The following MRPL15 variants were observed in gnomAD, a reference collection of about 807,000 sequenced individuals.
MRPL15 encodes the protein large ribosomal subunit protein uL15m.
In MRPL15, 24 loss-of-function variants were observed where a neutral mutation model predicts 28.0. That is an observed-to-expected ratio of 0.86 (90% confidence interval 0.62 to 1.21). MRPL15 has a LOEUF of 1.21. Among genes scored for constraint, MRPL15 ranks in the 50% most tolerant of loss-of-function variants. The pLI is 0.00. For synonymous variants in MRPL15, 124 were observed against 137.0 expected (o/e 0.90, Z 0.66); for missense variants, 343 against 372.4 (o/e 0.92, Z 0.65).
Position 54,137,408 on chromosome 8 carries a change from A to G in MRPL15, c.404A>G (p.Asp135Gly), listed in dbSNP as rs1810843897. 8 of 1,613,824 alleles carry G rather than the reference A, an allele frequency of 5.0e-6. 1 individual carries two copies. The Admixed American group carries it at 1.2e-4, about 24-fold the overall frequency. Residue 135 changes from aspartate (D) to glycine (G), a missense_variant, in exon 3 of 5, where the codon GAT becomes GGT. By Grantham distance (94) the Asp-to-Gly change is moderately conservative. Coordinates refer to ENST00000260102, the MANE Select transcript of MRPL15 (RefSeq NM_014175.4). ...RGVTIQPLKR[D>G]YGVQLVEEGA... ...GTGACCATCCAGCCACTTAAAAGGG[A>G]TTATGGTGTCCAGCTGGTTGAGGAG...
chr8:54,139,158 C>A (rs373443459), intron 3 of MRPL15, among the ~76,000 whole-genome samples: 2 of 152,282 alleles, frequency 1.3e-5, no homozygotes, highest in African/African-American at 2.4e-5. Context: ...TGCCACCATG[C>A]CAGGCTAATT....
chr8:54,147,854 A>C lies in MRPL15; in HGVS notation c.*135A>C. The C allele has an allele frequency of 9.5e-6, 7 of 738,598 alleles. No individual in the cohort carries two copies. The highest frequency in any genetic ancestry group is 1.5e-5 in the Non-Finnish European group (7 of 473,528). The allele number at this position is 738,598 out of a possible 1,614,324, so 45.8% of individuals were successfully genotyped here. ...ACTTTTCAGTGTACTCATATGTCTCATTTTCATCTAAAATTAAATGGCAGG... is the reference window on the plus strand; with the variant it reads ...ACTTTTCAGTGTACTCATATGTCTCCTTTTCATCTAAAATTAAATGGCAGG... On this transcript the variant is annotated 3_prime_UTR_variant, in exon 5 of 5. Coordinates refer to ENST00000260102, the MANE Select transcript of MRPL15 (RefSeq NM_014175.4).
At chr8:54,139,428 T>C (rs752642650) in intron 3 of MRPL15, among the ~76,000 whole-genome samples, 13 of 152,330 alleles carry the variant, frequency 8.5e-5, no homozygotes, top group Middle Eastern at 3.4e-3. Context: ...GTGAACTGTA[T>C]GGATAAAAAC....
chr8:54,136,645 C>T lies in MRPL15; in HGVS notation c.243C>T (p.Tyr81=), dbSNP rs1455925990. 6 of 1,613,920 alleles carry T rather than the reference C, an allele frequency of 3.7e-6. No homozygotes were observed. Among genetic ancestry groups the T allele is most frequent in the East Asian group, 2.2e-5 (1 of 44,890 alleles). Residue 81 remains tyrosine (Y), a synonymous_variant, in exon 2 of 5, where the codon TAC becomes TAT. Coordinates refer to ENST00000260102, the MANE Select transcript of MRPL15 (RefSeq NM_014175.4). ...QTPFYIRIPK[Y]GFNEGHSFRR... The stretch of plus-strand genomic sequence containing the variant: ...CATTTTACATCCGAATCCCAAAATA[C>T]GGGTTTAACGAAGGACATAGGTAAG...
At chr8:54,135,974 T>G (rs997656698) in intron 1 of MRPL15, among the ~76,000 whole-genome samples, 12 of 152,374 alleles carry the variant, frequency 7.9e-5, no homozygotes, top group Non-Finnish European at 1.6e-4. Context: ...TGGAAAGATC[T>G]GAATTGCAGC....
intron 4 of MRPL15, among the ~76,000 whole-genome samples, chr8:54,144,175 C>A (rs145383994): frequency 6.6e-6 from 1 of 152,156 alleles, no homozygotes; most frequent in Non-Finnish European, 1.5e-5. Flanking sequence ...GCACATAGAG[C>A]GATGCCTGGT....
intron 4 of MRPL15, among the ~76,000 whole-genome samples, chr8:54,146,165 G>A (rs912863730): frequency 6.6e-6 from 1 of 152,192 alleles, no homozygotes; most frequent in Non-Finnish European, 1.5e-5. Context: ...TCCTTTCCTG[G>A]CCGGGCGCAG....
intron 3 of MRPL15, among the ~76,000 whole-genome samples, chr8:54,137,971 T>C (rs928141099): frequency 6.6e-6 from 1 of 152,110 alleles, no homozygotes; most frequent in Admixed American, 6.6e-5. Context: ...GTTTTTGTTT[T>C]TGAGATGGAG....
Position 54,147,771 on chromosome 8 carries a change from A to G in MRPL15, c.*52A>G. Reference sequence around the variant, plus strand: ...TAAAGAGTACTGGAATAGGGGCTGAAGGATCTATATTCCCTTATTGCATTT... The same window carrying G: ...TAAAGAGTACTGGAATAGGGGCTGAGGGATCTATATTCCCTTATTGCATTT... On this transcript the variant is annotated 3_prime_UTR_variant, in exon 5 of 5. Coordinates refer to ENST00000260102, the MANE Select transcript of MRPL15 (RefSeq NM_014175.4). The G allele has an allele frequency of 6.9e-7, 1 of 1,450,066 alleles. No homozygotes were observed. Among genetic ancestry groups the G allele is most frequent in the Non-Finnish European group, 9.4e-7 (1 of 1,068,044 alleles). The allele number at this position is 1,450,066 out of a possible 1,614,324, so 89.8% of individuals were successfully genotyped here. A position where few individuals can be genotyped will look rare whatever the true frequency, so the allele number is the denominator to read the frequency against.
chr8:54,137,193 G>T, intron 2 of MRPL15, 75 bp from the exon 3 acceptor site: 1 of 1,434,966 alleles, frequency 7.0e-7, no homozygotes. Context: ...GAAAACACAA[G>T]ACAAAGCTTT....
At chr8:54,144,559 T>TC (rs1811010869) in intron 4 of MRPL15, among the ~76,000 whole-genome samples, 1 of 152,082 alleles carries the variant, frequency 6.6e-6, no homozygotes, top group Non-Finnish European at 1.5e-5. Context: ...TCACATGAGG[T>TC]CAGGAGTTCT....
chr8:54,144,561 A>G (rs1811010906), intron 4 of MRPL15, among the ~76,000 whole-genome samples: 1 of 152,184 alleles, frequency 6.6e-6, no homozygotes, highest in African/African-American at 2.4e-5. Context: ...ACATGAGGTC[A>G]GGAGTTCTAG....
intron 3 of MRPL15, among the ~76,000 whole-genome samples, chr8:54,142,414 C>A (rs1810944317): frequency 6.6e-6 from 1 of 152,182 alleles, no homozygotes; most frequent in South Asian, 2.1e-4. Context: ...CCTTGGCCTC[C>A]CAAAGGGCTG....
chr8:54,141,963 C>T (rs192781865), intron 3 of MRPL15, among the ~76,000 whole-genome samples: 24 of 151,138 alleles, frequency 1.6e-4, no homozygotes, highest in Admixed American at 1.5e-3. Flanking sequence ...AGTGATTCTC[C>T]TGCCTCAGCC....
chr8:54,143,078 CTT>C (rs897143330), intron 4 of MRPL15, among the ~76,000 whole-genome samples: 5 of 151,888 alleles, frequency 3.3e-5, no homozygotes, highest in African/African-American at 1.2e-4. Context: ...TGAAATGTCT[CTT>C]TTCTCTCTTT....
chr8:54,147,009 G>T (rs1204273399), intron 4 of MRPL15, among the ~76,000 whole-genome samples: 1 of 152,144 alleles, frequency 6.6e-6, no homozygotes, highest in East Asian at 1.9e-4. Flanking sequence ...CAGGTGGGTG[G>T]ATCACCTGAG....
intron 3 of MRPL15, among the ~76,000 whole-genome samples, chr8:54,139,825 G>C (rs1810888797): frequency 6.6e-6 from 1 of 152,142 alleles, no homozygotes; most frequent in Non-Finnish European, 1.5e-5. Flanking sequence ...TATAAAGATA[G>C]TCCTAAAAAT....
chr8:54,142,545 T>C (rs957100935), intron 3 of MRPL15, 118 bp from the exon 4 acceptor site: 3 of 1,178,696 alleles, frequency 2.5e-6, no homozygotes, highest in South Asian at 1.6e-5. Flanking sequence ...GAGGACTAAC[T>C]GTATTGTTAT....
chr8:54,137,121 C>G, intron 2 of MRPL15, 147 bp from the exon 3 acceptor site: 1 of 703,858 alleles, frequency 1.4e-6, no homozygotes, highest in Non-Finnish European at 2.3e-6. Flanking sequence ...CAAAATCAAG[C>G]AGTATTACAT....
Sources: allele counts gnomAD v4.1 joint callset (sites outside exome capture counted in the v4.1 genomes callset), GRCh38; gene constraint gnomAD v4.1.1; transcripts MANE v1.5; gene names NCBI Gene and HGNC (gene_info 2026-07-23, HGNC 2026-07-21).